Variants in RBFOX1 observed in about 807,000 individuals in gnomAD.
RBFOX1 encodes RNA binding fox-1 homolog 1, also known as RNA binding protein fox-1 homolog 1.
Under a neutral mutation model 57.7 loss-of-function variants are expected in RBFOX1, and 8 were observed. The observed-to-expected ratio is 0.14, with a 90% CI of 0.08 to 0.25. The LOEUF (loss-of-function observed/expected upper bound fraction) is 0.25, where lower values mean the gene tolerates loss of function less well. Ranked by LOEUF, RBFOX1 falls within the 10% of genes least tolerant of loss-of-function variation. The pLI is 1.00. For missense variants in RBFOX1, 611 were observed against 548.5 expected (o/e 1.11, Z -1.14); for synonymous variants, 326 against 222.4 (o/e 1.47, Z -4.15).
intron 11 of RBFOX1, among the ~76,000 whole-genome samples, chr16:7,650,109 A>G (rs1408790990): frequency 7.0e-6 from 1 of 142,992 alleles, no homozygotes; most frequent in East Asian, 2.2e-4. Flanking sequence ...AGGAGCAAGT[A>G]TAAGAAGGAA....
At chr16:7,677,925 T>C (rs1281186089) in intron 14 of RBFOX1, among the ~76,000 whole-genome samples, 2 of 152,202 alleles carry the variant, frequency 1.3e-5, no homozygotes, top group Non-Finnish European at 1.5e-5. Flanking sequence ...TTTGCTGTGG[T>C]GTGCTTTCTC....
At chr16:6,749,471 G>C (rs1003327347) in intron 3 of RBFOX1, among the ~76,000 whole-genome samples, 2 of 152,126 alleles carry the variant, frequency 1.3e-5, no homozygotes, top group Non-Finnish European at 2.9e-5. Flanking sequence ...GGGGAGGTAG[G>C]ACTCATGTTT....
At chr16:6,481,874 T>A (rs2095376022) in intron 2 of RBFOX1, among the ~76,000 whole-genome samples, 1 of 152,126 alleles carries the variant, frequency 6.6e-6, no homozygotes, top group South Asian at 2.1e-4. Flanking sequence ...AGGAGAAAGT[T>A]AAACACTGTG....
At chr16:7,117,375 A>T (rs140431540) in intron 4 of RBFOX1, among the ~76,000 whole-genome samples, 2 of 152,186 alleles carry the variant, frequency 1.3e-5, no homozygotes, top group Non-Finnish European at 2.9e-5. Context: ...TCTGTAAAGT[A>T]TGTGGATGTG....
At chr16:6,625,101 G>T (rs1318988366) in intron 2 of RBFOX1, among the ~76,000 whole-genome samples, 1 of 125,434 alleles carries the variant, frequency 8.0e-6, no homozygotes, top group Non-Finnish European at 1.6e-5. Context: ...GGAGGCAAAA[G>T]TTGCAGTGAG....
chr16:6,675,064 C>T (rs1295710736), intron 3 of RBFOX1, among the ~76,000 whole-genome samples: 1 of 152,064 alleles, frequency 6.6e-6, no homozygotes, highest in Non-Finnish European at 1.5e-5. Flanking sequence ...TGCCACCACA[C>T]CCACTAATTT....
At chr16:6,054,757 G>A (rs758718233) in intron 1 of RBFOX1, among the ~76,000 whole-genome samples, 12 of 152,078 alleles carry the variant, frequency 7.9e-5, no homozygotes, top group Non-Finnish European at 1.3e-4. Context: ...ATCGGTGGAT[G>A]TTATGCTATA....
rs566009681 is a variant in RBFOX1 at position 7,466,185 on chromosome 16, T to C, written c.28-51962T>C. Among the ~76,000 whole-genome samples the C allele has an allele frequency of 3.3e-5, 5 of 152,296 alleles. No individual in the cohort carries two copies. In the South Asian group the frequency reaches 1.0e-3, roughly 32 times the overall value. ...TTCAACTGCCAAAAAGCTAGCACAG[T>C]TGTAATTTGCATCTAATAAAAGGAG... On this transcript the variant is annotated intron_variant, in intron 4 of 15. Coordinates refer to ENST00000550418, the MANE Select transcript of RBFOX1 (RefSeq NM_018723.4).
chr16:6,112,916 C>G (rs1255122408), intron 1 of RBFOX1, among the ~76,000 whole-genome samples: 2 of 152,276 alleles, frequency 1.3e-5, no homozygotes, highest in East Asian at 3.9e-4. Context: ...TTTTAAGTAT[C>G]TCCTGTTTAT....
intron 3 of RBFOX1, among the ~76,000 whole-genome samples, chr16:7,026,297 G>T (rs920314830): frequency 6.6e-6 from 1 of 152,146 alleles, no homozygotes; most frequent in Non-Finnish European, 1.5e-5. Context: ...TTGCCACCAG[G>T]CCATGTTTAA....
At chr16:5,608,200 G>A (rs1377797056) in intron 3 of RBFOX1, among the ~76,000 whole-genome samples, 2 of 152,136 alleles carry the variant, frequency 1.3e-5, no homozygotes, top group Non-Finnish European at 2.9e-5. Flanking sequence ...ATAACACCCC[G>A]GGGGCAAGTG....
chr16:7,075,900 T>G (rs11863148), intron 4 of RBFOX1, among the ~76,000 whole-genome samples: 124,970 of 152,012 alleles, frequency 0.82, 51,942 homozygotes, highest in African/African-American at 0.94. Flanking sequence ...TTTCAACATG[T>G]AAACAATTTC....
chr16:6,190,243 C>T (rs753979353), intron 1 of RBFOX1, among the ~76,000 whole-genome samples: 1 of 152,120 alleles, frequency 6.6e-6, no homozygotes, highest in African/African-American at 2.4e-5. Flanking sequence ...TGAATGACTC[C>T]ATTTTGGCTT....
chr16:5,447,148 C>A (rs529562106), intron 1 of RBFOX1, among the ~76,000 whole-genome samples: 2 of 152,158 alleles, frequency 1.3e-5, no homozygotes, highest in African/African-American at 4.8e-5. Flanking sequence ...TCTCTTTTCA[C>A]TTCGCAGCCA....
At chr16:5,715,864 C>T (rs962590637) in intron 3 of RBFOX1, among the ~76,000 whole-genome samples, 5 of 152,194 alleles carry the variant, frequency 3.3e-5, no homozygotes, top group African/African-American at 1.2e-4. Context: ...TACTGACTCC[C>T]TGCTCCCTTA....
chr16:6,245,952 A>G (rs2152934747), intron 1 of RBFOX1, among the ~76,000 whole-genome samples: 1 of 152,318 alleles, frequency 6.6e-6, no homozygotes, highest in East Asian at 1.9e-4. Context: ...TATTTCAGTC[A>G]AAATATGCAG....
At chr16:6,017,269 C>T (rs563186495), upstream of RBFOX1, among the ~76,000 whole-genome samples, 1 of 152,202 alleles carries the variant, frequency 6.6e-6, no homozygotes. Context: ...TGAATTTGCA[C>T]AAAACAGTAT....
intron 10 of RBFOX1, among the ~76,000 whole-genome samples, chr16:7,611,079 G>A (rs1392750493): frequency 6.6e-6 from 1 of 152,136 alleles, no homozygotes; most frequent in African/African-American, 2.4e-5. Context: ...GTGTGTTAAT[G>A]ACATGTTTTA....
At chr16:6,588,123 C>A (rs553443947) in intron 2 of RBFOX1, among the ~76,000 whole-genome samples, 1 of 151,806 alleles carries the variant, frequency 6.6e-6, no homozygotes, top group Non-Finnish European at 1.5e-5. Context: ...CCCAGCTACT[C>A]GGGAGGCTGA....
Sources: allele counts gnomAD v4.1 joint callset (sites outside exome capture counted in the v4.1 genomes callset), GRCh38; gene constraint gnomAD v4.1.1; transcripts MANE v1.5; gene names NCBI Gene and HGNC (gene_info 2026-07-23, HGNC 2026-07-21).